Variants in GLCCI1 observed in about 807,000 individuals in gnomAD.
The protein encoded by GLCCI1 is glucocorticoid-induced transcript 1 protein.
A neutral mutation model predicts 52.2 loss-of-function variants in GLCCI1; 24 were observed. That is an observed-to-expected ratio of 0.46 (90% CI 0.33 to 0.65). The LOEUF (loss-of-function observed/expected upper bound fraction) is 0.65, where lower values mean the gene tolerates loss of function less well. Among genes scored for constraint, GLCCI1 ranks in the 30% least tolerant of loss-of-function variants. The pLI is 0.02. For missense variants in GLCCI1, 704 were observed against 701.5 expected (o/e 1.00, Z -0.04); for synonymous variants, 310 against 276.5 (o/e 1.12, Z -1.20).
intron 6 of GLCCI1, among the ~76,000 whole-genome samples, chr7:8,075,720 G>T (rs1350829839): frequency 2.6e-5 from 4 of 152,154 alleles, no homozygotes; most frequent in African/African-American, 9.7e-5. Context: ...TGGAAACATT[G>T]ATTATTGTAA....
rs1422317639 is a variant in GLCCI1 at position 8,003,939 on chromosome 7, C to T, written c.489C>T (p.Thr163=). 1.9e-6 allele frequency: 3 copies of T among 1,613,024 alleles called. No individual in the cohort carries two copies. The highest frequency in any genetic ancestry group is 1.7e-5 in the Admixed American group (1 of 59,952). ...ADKAKSQQVR[T]SSTIRRTSSL... Reference sequence around the variant, plus strand: ...AGGCAAAATCTCAGCAAGTTCGGACCTCTAGTACAATAAGGCGAACCTCCT... The same window carrying T: ...AGGCAAAATCTCAGCAAGTTCGGACTTCTAGTACAATAAGGCGAACCTCCT... The change falls in exon 2 of 8, where the codon ACC becomes ACT. Residue 163 remains threonine (T), a synonymous_variant. Coordinates refer to ENST00000223145, the MANE Select transcript of GLCCI1 (RefSeq NM_138426.4).
intron 3 of GLCCI1, among the ~76,000 whole-genome samples, chr7:8,032,387 G>A (rs1359752231): frequency 6.6e-6 from 1 of 151,828 alleles, no homozygotes; most frequent in Non-Finnish European, 1.5e-5. Context: ...GCAAAAACAA[G>A]CAAAGGAATG....
At chr7:7,990,846 G>T (rs1458174672) in intron 1 of GLCCI1, among the ~76,000 whole-genome samples, 1 of 152,054 alleles carries the variant, frequency 6.6e-6, no homozygotes, top group Non-Finnish European at 1.5e-5. Flanking sequence ...CCTTCATTCT[G>T]TTGAGTCTGT....
intron 3 of GLCCI1, among the ~76,000 whole-genome samples, chr7:8,045,110 C>T (rs1407271274): frequency 2.0e-5 from 3 of 152,154 alleles, no homozygotes; most frequent in Non-Finnish European, 4.4e-5. Flanking sequence ...TAATATTAAA[C>T]ACTGAAACAA....
intron 5 of GLCCI1, among the ~76,000 whole-genome samples, chr7:8,065,696 A>C (rs752654599): frequency 2.6e-5 from 4 of 152,204 alleles, no homozygotes; most frequent in Non-Finnish European, 5.9e-5. Flanking sequence ...TTGATGAATC[A>C]CATTTATTGA....
intron 1 of GLCCI1, among the ~76,000 whole-genome samples, chr7:7,978,176 T>G (rs1304092748): frequency 6.6e-6 from 1 of 152,226 alleles, no homozygotes; most frequent in African/African-American, 2.4e-5. Flanking sequence ...TTTAGCATTT[T>G]ATTTTTAAAA....
chr7:8,084,895 A>G lies in GLCCI1; in HGVS notation c.1178-2A>G. The G allele has an allele frequency of 6.2e-7, 1 of 1,611,830 alleles. No homozygotes were observed. Among genetic ancestry groups the G allele is most frequent in the Non-Finnish European group, 8.5e-7 (1 of 1,179,402 alleles). On this transcript the variant is annotated splice_acceptor_variant, in intron 6 of 7. Transcript: ENST00000223145. LOFTEE classifies it high-confidence loss of function. ...GTTAATATAACTGCTTTAAATTTAC[A>G]GACAGTGGGAGTAGCTCACCGTTAC...
At chr7:7,996,727 T>A (rs1780945237) in intron 1 of GLCCI1, among the ~76,000 whole-genome samples, 1 of 152,194 alleles carries the variant, frequency 6.6e-6, no homozygotes, top group Non-Finnish European at 1.5e-5. Flanking sequence ...TCAGGCCTCA[T>A]TTGGTCAGAA....
chr7:8,001,253 A>G (rs900694701), intron 1 of GLCCI1, among the ~76,000 whole-genome samples: 19 of 152,244 alleles, frequency 1.2e-4, no homozygotes, highest in Admixed American at 8.5e-4. Flanking sequence ...ACATCTCTCA[A>G]CATTTGCTTA....
intron 1 of GLCCI1, among the ~76,000 whole-genome samples, chr7:8,002,924 T>G (rs38012): frequency 0.43 from 65,729 of 152,106 alleles, 14,473 homozygotes; most frequent in Middle Eastern, 0.51. Flanking sequence ...TTGATTGAAC[T>G]GTGTATAATG....
chr7:8,077,028 A>G (rs1782889371), intron 6 of GLCCI1, among the ~76,000 whole-genome samples: 2 of 152,232 alleles, frequency 1.3e-5, no homozygotes, highest in Non-Finnish European at 2.9e-5. Context: ...TGCTAAATTT[A>G]GTGATAGGCT....
intron 2 of GLCCI1, among the ~76,000 whole-genome samples, chr7:8,008,965 C>A (rs776666625): frequency 6.6e-6 from 1 of 152,080 alleles, no homozygotes; most frequent in Non-Finnish European, 1.5e-5. Context: ...TCATGACCCA[C>A]TGACTTAACT....
At position 7,969,025 on chromosome 7, in the gene GLCCI1, C is replaced by G. The variant is rs1052365684; in HGVS notation, c.-326C>G. On this transcript the variant is annotated 5_prime_UTR_variant, in exon 1 of 8. Transcript: ENST00000223145. This position sits in a 1 kb window ranked among gnomAD's most constrained non-coding sequence, Gnocchi z 4.9. ...GCCCTCGGGGCTGCGTGATCCGGGC[C>G]GTTGCCCTGTCAGCACGATGCCTGG... 6.1e-6 allele frequency: 1 copy of G among 164,794 alleles called. No homozygotes were observed. Among genetic ancestry groups the G allele is most frequent in the Non-Finnish European group, 1.3e-5 (1 of 76,060 alleles). 10.2% of individuals were successfully genotyped at this position (164,794 alleles called of 1,614,324 possible). A position where few individuals can be genotyped will look rare whatever the true frequency, so the allele number is the denominator to read the frequency against.
chr7:7,971,132 G>T (rs1298597858), intron 1 of GLCCI1, among the ~76,000 whole-genome samples: 1 of 152,166 alleles, frequency 6.6e-6, no homozygotes, highest in South Asian at 2.1e-4. Flanking sequence ...GAGTACATGA[G>T]CAGCAAGAAA....
chr7:7,979,085 C>G (rs1019069312), intron 1 of GLCCI1, among the ~76,000 whole-genome samples: 2 of 152,184 alleles, frequency 1.3e-5, no homozygotes, highest in African/African-American at 4.8e-5. Flanking sequence ...TAGGACTTAA[C>G]TAAACTGGTG....
chr7:8,070,742 A>C, intron 5 of GLCCI1, 179 bp from the exon 6 acceptor site: 1 of 581,230 alleles, frequency 1.7e-6, no homozygotes, highest in Non-Finnish European at 3.0e-6. Context: ...AGAAATGTTT[A>C]GTTCAATAAA....
At chr7:8,015,786 A>G (rs896094497) in intron 2 of GLCCI1, among the ~76,000 whole-genome samples, 1 of 152,252 alleles carries the variant, frequency 6.6e-6, no homozygotes, top group Non-Finnish European at 1.5e-5. Flanking sequence ...AATTCTACTT[A>G]TTAATTTTAA....
intron 5 of GLCCI1, among the ~76,000 whole-genome samples, chr7:8,066,522 C>A (rs1246478470): frequency 6.6e-6 from 1 of 150,572 alleles, no homozygotes; most frequent in African/African-American, 2.4e-5. Context: ...ACCTTTAGAG[C>A]TTGTAAATTT....
At chr7:7,975,160 A>G (rs1199401450) in intron 1 of GLCCI1, among the ~76,000 whole-genome samples, 1 of 152,194 alleles carries the variant, frequency 6.6e-6, no homozygotes, top group Non-Finnish European at 1.5e-5. Flanking sequence ...CTATTCTGGA[A>G]GAATTTTTGT....
Sources: allele counts gnomAD v4.1 joint callset (sites outside exome capture counted in the v4.1 genomes callset), GRCh38; gene constraint gnomAD v4.1.1; non-coding constraint Gnocchi (gnomAD v3.1); transcripts MANE v1.5; gene names NCBI Gene and HGNC (gene_info 2026-07-23, HGNC 2026-07-21).